PDE5A: variants seen among roughly 807,000 people sequenced by gnomAD.
PDE5A encodes the protein cGMP-specific 3',5'-cyclic phosphodiesterase.
PDE5A carries 67 observed loss-of-function variants against 110.2 expected under a neutral mutation model. The ratio of observed to expected loss-of-function variants is 0.61; its 90% CI spans 0.50 to 0.75. The LOEUF (loss-of-function observed/expected upper bound fraction) is 0.75. Among genes scored for constraint, PDE5A ranks in the 30% least tolerant of loss-of-function variants. The pLI, the probability that PDE5A is intolerant of heterozygous loss-of-function variation, is 0.00. For missense variants in PDE5A, 862 were observed against 1,045.1 expected (o/e 0.82, Z 2.42); for synonymous variants, 328 against 351.2 (o/e 0.93, Z 0.74).
At chr4:119,498,883 C>A in intron 20 of PDE5A, 145 bp from the exon 21 acceptor site, 1 of 742,260 alleles carries the variant, frequency 1.3e-6, no homozygotes, top group Non-Finnish European at 2.2e-6. Flanking sequence ...TGAGCACATA[C>A]ACAGATCATT....
intron 15 of PDE5A, 38 bp downstream of exon 15, chr4:119,511,009 C>G: frequency 8.8e-7 from 1 of 1,141,048 alleles, no homozygotes; most frequent in African/African-American, 1.5e-5. Context: ...TTATAAAGCT[C>G]TCTTTTAAAA....
intron 19 of PDE5A, chr4:119,502,377 TG>T (rs1196402025): frequency 2.5e-6 from 1 of 397,156 alleles, no homozygotes; most frequent in Non-Finnish European, 4.5e-6. Flanking sequence ...TACAATATGA[TG>T]AACCCAAGAG....
intron 4 of PDE5A, among the ~76,000 whole-genome samples, chr4:119,566,001 G>T: frequency 6.7e-6 from 1 of 149,100 alleles, no homozygotes; most frequent in African/African-American, 2.5e-5. Context: ...ATTAATTATT[G>T]ATTGAAATAA....
intron 3 of PDE5A, among the ~76,000 whole-genome samples, chr4:119,588,387 G>A (rs1008255675): frequency 1.3e-5 from 2 of 151,764 alleles, no homozygotes; most frequent in East Asian, 1.9e-4. Flanking sequence ...ATGTTGGCCA[G>A]GCTGATCTTG....
chr4:119,540,403 G>C (rs1726884796), intron 10 of PDE5A, among the ~76,000 whole-genome samples: 1 of 152,056 alleles, frequency 6.6e-6, no homozygotes, highest in Non-Finnish European at 1.5e-5. Context: ...TAGTCACTAG[G>C]AAACCTCAAG....
chr4:119,558,720 TC>T (rs1308732965), intron 7 of PDE5A, among the ~76,000 whole-genome samples: 1 of 151,978 alleles, frequency 6.6e-6, no homozygotes, highest in Non-Finnish European at 1.5e-5. Flanking sequence ...AACTTTACCA[TC>T]CCAGCTAAAA....
At chr4:119,610,059 G>A (rs912396702) in intron 1 of PDE5A, among the ~76,000 whole-genome samples, 1 of 152,174 alleles carries the variant, frequency 6.6e-6, no homozygotes, top group African/African-American at 2.4e-5. Flanking sequence ...CAAATCACAA[G>A]CATATACCTA....
Position 119,505,943 on chromosome 4 carries a change from T to A in PDE5A, c.2190-11A>T, listed in dbSNP as rs767002219. ...AATTCTCCTCGCCTCCTACAATGTT[T>A]AAAAAAAAATTGTTAGTTATAATGA... On this transcript the variant is annotated splice_polypyrimidine_tract_variant and intron_variant, in intron 16 of 20. Coordinates refer to ENST00000354960, the MANE Select transcript of PDE5A (RefSeq NM_001083.4). 9.5e-6 allele frequency: 14 copies of A among 1,480,028 alleles called. No individual in the cohort carries two copies. The highest frequency in any genetic ancestry group is 2.1e-5 in the Admixed American group (1 of 46,850). 91.7% of individuals were successfully genotyped at this position (1,480,028 alleles called of 1,614,324 possible). A position where few individuals can be genotyped will look rare whatever the true frequency, so the allele number is the denominator to read the frequency against.
At chr4:119,507,994 G>A (rs1054140901) in intron 15 of PDE5A, among the ~76,000 whole-genome samples, 7 of 151,384 alleles carry the variant, frequency 4.6e-5, no homozygotes, top group Admixed American at 1.3e-4. Flanking sequence ...ATCCTTTTCC[G>A]TAGGGCAGAC....
At chr4:119,507,031 A>G (rs1010473064) in intron 16 of PDE5A, among the ~76,000 whole-genome samples, 3 of 152,106 alleles carry the variant, frequency 2.0e-5, no homozygotes, top group South Asian at 2.1e-4. Flanking sequence ...CAAATGCAGG[A>G]AAGTATTTTC....
chr4:119,591,275 C>T (rs192748306), intron 3 of PDE5A, among the ~76,000 whole-genome samples: 1 of 152,320 alleles, frequency 6.6e-6, no homozygotes, highest in East Asian at 1.9e-4. Flanking sequence ...GTAGCTGATG[C>T]ACTTCCAGTG....
At chr4:119,573,784 T>C (rs1334462750) in intron 3 of PDE5A, among the ~76,000 whole-genome samples, 2 of 152,190 alleles carry the variant, frequency 1.3e-5, no homozygotes, top group African/African-American at 4.8e-5. Context: ...GAGAAGCTTC[T>C]AAGGAATTGC....
chr4:119,543,942 G>A (rs1378268615), intron 9 of PDE5A: 6 of 152,004 alleles, frequency 3.9e-5, no homozygotes, highest in Non-Finnish European at 8.8e-5. Flanking sequence ...AGTATCTTGG[G>A]CTTAGAGTTT....
At chr4:119,578,912 T>C (rs1728483668) in intron 3 of PDE5A, among the ~76,000 whole-genome samples, 1 of 152,076 alleles carries the variant, frequency 6.6e-6, no homozygotes, top group Non-Finnish European at 1.5e-5. Context: ...ACCTACAAAA[T>C]GGGAGACAAT....
chr4:119,546,030 C>A (rs1445774604), intron 9 of PDE5A, among the ~76,000 whole-genome samples: 1 of 151,992 alleles, frequency 6.6e-6, no homozygotes, highest in African/African-American at 2.4e-5. Context: ...TTAAAAGAGG[C>A]TTCCTCATTT....
At chr4:119,596,161 T>C (rs1309774023) in intron 3 of PDE5A, among the ~76,000 whole-genome samples, 1 of 152,182 alleles carries the variant, frequency 6.6e-6, no homozygotes, top group Non-Finnish European at 1.5e-5. Flanking sequence ...ATGACCACTG[T>C]AGTTGGATGA....
At chr4:119,625,011 C>CT (rs536749949) in intron 1 of PDE5A, among the ~76,000 whole-genome samples, 4,719 of 139,260 alleles carry the variant, frequency 0.034, 80 homozygotes, top group Middle Eastern at 0.06. Context: ...CAAGTTATAG[C>CT]TTTTTTTTTT....
intron 1 of PDE5A, among the ~76,000 whole-genome samples, chr4:119,610,437 C>G (rs556858371): frequency 3.3e-4 from 50 of 152,276 alleles, no homozygotes; most frequent in African/African-American, 1.2e-3. Flanking sequence ...GACATTTTAA[C>G]AATTTCAGCC....
chr4:119,536,391 T>C (rs1364375256), intron 11 of PDE5A, among the ~76,000 whole-genome samples: 1 of 152,156 alleles, frequency 6.6e-6, no homozygotes, highest in East Asian at 1.9e-4. Flanking sequence ...AACTTCAATA[T>C]GTAGACAATT....
Sources: gnomAD v4.1 joint callset for allele counts (sites outside exome capture counted in the v4.1 genomes callset) on GRCh38, gnomAD v4.1.1 for gene constraint, MANE v1.5 for transcripts, NCBI Gene and HGNC (gene_info 2026-07-23, HGNC 2026-07-21) for gene names.